Variants in CALN1 observed in about 807,000 individuals in gnomAD.
CALN1 encodes the protein calcium-binding protein 8.
CALN1 carries 17 observed loss-of-function variants against 30.6 expected under a neutral mutation model. That is an observed-to-expected ratio of 0.56 (90% CI 0.38 to 0.83). The LOEUF (loss-of-function observed/expected upper bound fraction) is 0.83. Among genes scored for constraint, CALN1 ranks in the 40% least tolerant of loss-of-function variants. CALN1 has a pLI of 0.00. For missense variants in CALN1, 291 were observed against 354.9 expected, an observed-to-expected ratio of 0.82 and a Z score of 1.45; for synonymous variants, 156 against 131.4, an observed-to-expected ratio of 1.19 and a Z score of -1.28.
chr7:71,888,600 G>A (rs978973070), intron 5 of CALN1, among the ~76,000 whole-genome samples: 12 of 152,132 alleles, frequency 7.9e-5, no homozygotes, highest in South Asian at 2.1e-4. Context: ...GGACAGTAGC[G>A]TTGATCTCAG....
chr7:72,431,657 A>G (rs944969663), intron 1 of CALN1, among the ~76,000 whole-genome samples: 1 of 152,184 alleles, frequency 6.6e-6, no homozygotes. Flanking sequence ...TGGGTAGCAC[A>G]GTGAGAGAGA....
At chr7:72,394,982 T>C (rs1316316922) in intron 2 of CALN1, among the ~76,000 whole-genome samples, 2 of 152,112 alleles carry the variant, frequency 1.3e-5, no homozygotes, top group Non-Finnish European at 2.9e-5. Flanking sequence ...GTCTTGTAAG[T>C]GAATGAATGG....
At chr7:72,285,987 C>A (rs922218602) in intron 2 of CALN1, among the ~76,000 whole-genome samples, 1 of 152,160 alleles carries the variant, frequency 6.6e-6, no homozygotes, top group African/African-American at 2.4e-5. Context: ...AAAACAACCA[C>A]GAAAGCACAC....
chr7:72,186,010 A>G (rs953793420), intron 3 of CALN1, among the ~76,000 whole-genome samples: 13 of 152,094 alleles, frequency 8.5e-5, no homozygotes, highest in African/African-American at 2.9e-4. Context: ...GGTGGGTGCA[A>G]TGTCATTACA....
chr7:71,812,929 C>CATCATTATTATTATT (rs1287091997), intron 5 of CALN1, among the ~76,000 whole-genome samples: 97 of 136,506 alleles, frequency 7.1e-4, no homozygotes, highest in Middle Eastern at 7.6e-3. Flanking sequence ...TCATCATCAT[C>CATCATTATTATTATT]ATTATTATTA....
At chr7:72,405,979 C>T (rs974663043) in intron 1 of CALN1, among the ~76,000 whole-genome samples, 30 of 152,150 alleles carry the variant, frequency 2.0e-4, no homozygotes, top group Non-Finnish European at 2.5e-4. Context: ...CACTTAATGA[C>T]CTGGAACCTG....
chr7:71,913,700 A>G (rs1186163854), intron 5 of CALN1: 2 of 152,426 alleles, frequency 1.3e-5, no homozygotes, highest in Non-Finnish European at 2.9e-5. Context: ...CCTCCTGAGT[A>G]GCTTGGACTA....
intron 2 of CALN1, among the ~76,000 whole-genome samples, chr7:72,286,970 G>A (rs1798122587): frequency 6.6e-6 from 1 of 152,176 alleles, no homozygotes. Context: ...GCAATAAGCT[G>A]AGAGGTAAGC....
chr7:72,178,907 G>A (rs1366969863), intron 3 of CALN1, among the ~76,000 whole-genome samples: 2 of 152,016 alleles, frequency 1.3e-5, no homozygotes, highest in East Asian at 3.9e-4. Context: ...CTGAAGTCTG[G>A]GTTTTCCGTG....
chr7:71,986,032 G>A (rs948341348), intron 5 of CALN1, among the ~76,000 whole-genome samples: 8 of 151,456 alleles, frequency 5.3e-5, no homozygotes, highest in South Asian at 4.2e-4. Flanking sequence ...ATATTGACAC[G>A]CATCAACATG....
intron 3 of CALN1, among the ~76,000 whole-genome samples, chr7:72,169,492 T>TATC (rs1409142649): frequency 1.1e-5 from 1 of 88,200 alleles, no homozygotes; most frequent in Admixed American, 1.3e-4. Flanking sequence ...GCTGATTATT[T>TATC]TTTTTTTTTT....
At chr7:71,884,301 A>G (rs562257777) in intron 5 of CALN1, among the ~76,000 whole-genome samples, 2 of 152,242 alleles carry the variant, frequency 1.3e-5, no homozygotes, top group South Asian at 2.1e-4. Context: ...CATACGCCTT[A>G]AGCAACTTCC....
chr7:72,290,079 T>TAAAAAAAAAAAAAAAAA (rs60416266), intron 2 of CALN1, among the ~76,000 whole-genome samples: 1 of 32,086 alleles, frequency 3.1e-5, no homozygotes, highest in African/African-American at 1.3e-4. Context: ...GACCCTGTCT[T>TAAAAAAAAAAAAAAAAA]AAAAAAAAAA....
chr7:72,050,642 A>G (rs970567252), intron 4 of CALN1, among the ~76,000 whole-genome samples: 3 of 152,356 alleles, frequency 2.0e-5, no homozygotes, highest in Non-Finnish European at 2.9e-5. Flanking sequence ...AGAAAATTAC[A>G]TAACTCAAAT....
At chr7:72,046,871 T>C (rs1358923980) in intron 4 of CALN1, among the ~76,000 whole-genome samples, 1 of 151,430 alleles carries the variant, frequency 6.6e-6, no homozygotes, top group Admixed American at 6.6e-5. Flanking sequence ...CTACAAGAAA[T>C]ACAAAAATCT....
intron 2 of CALN1, among the ~76,000 whole-genome samples, chr7:72,297,207 A>C (rs1054346532): frequency 6.6e-6 from 1 of 152,178 alleles, no homozygotes; most frequent in Admixed American, 6.5e-5. Context: ...TCAGAAAAAA[A>C]GTTTTGTTAT....
intron 3 of CALN1, among the ~76,000 whole-genome samples, chr7:72,112,103 C>T (rs1207503410): frequency 1.3e-5 from 2 of 152,130 alleles, no homozygotes; most frequent in Non-Finnish European, 2.9e-5. Flanking sequence ...CTCTGAGAAT[C>T]AGGCCTCAGC....
intron 3 of CALN1, among the ~76,000 whole-genome samples, chr7:72,232,557 T>G (rs1794183282): frequency 6.6e-6 from 1 of 152,176 alleles, no homozygotes; most frequent in Non-Finnish European, 1.5e-5. Context: ...GCTTCCCAGG[T>G]ACAAGCGATT....
In CALN1 at chr7:72,403,324, T is replaced by C. The variant is rs921926276; in HGVS notation, c.46A>G (p.Lys16Glu). ...QPGEGKPENEKKGDGGALGGG... is the reference protein window; with the variant it reads ...QPGEGKPENEEKGDGGALGGG... ...CCGAGGGCTCCTCCGTCCCCCTTTT[T>C]CTCATTCTCGGGCTTCCCCTCTCCG... The change falls in exon 2 of 7, where the codon AAA (lysine) becomes GAA (glutamate). Residue 16 changes from lysine to glutamate, a missense_variant. By Grantham distance (56) the Lys-to-Glu change is moderately conservative. Transcript: ENST00000395275. The C allele has an allele frequency of 3.9e-6, 6 of 1,549,766 alleles. No individual in the cohort carries two copies. The highest frequency in any genetic ancestry group is 4.9e-5 in the East Asian group (2 of 40,960).
Sources: gnomAD v4.1 joint callset for allele counts (sites outside exome capture counted in the v4.1 genomes callset) on GRCh38, gnomAD v4.1.1 for gene constraint, MANE v1.5 for transcripts, NCBI Gene and HGNC (gene_info 2026-07-23, HGNC 2026-07-21) for gene names.